THSD4: variants seen among roughly 807,000 people sequenced by gnomAD.
The protein encoded by THSD4 is thrombospondin type-1 domain-containing protein 4.
A neutral mutation model predicts 119.0 loss-of-function variants in THSD4; 69 were observed. That is an observed-to-expected ratio of 0.58 (90% confidence interval 0.48 to 0.71). The LOEUF is 0.71. Among genes scored for constraint, THSD4 ranks in the 30% least tolerant of loss-of-function variants. The probability of loss-of-function intolerance (pLI) is 0.00; values close to 1 mark genes in which losing one functional copy is unlikely to be tolerated. For missense variants in THSD4, 1,393 were observed against 1,391.1 expected (o/e 1.00, Z -0.02); for synonymous variants, 524 against 540.4 (o/e 0.97, Z 0.42).
chr15:71,670,691 T>G (rs2051507781), intron 8 of THSD4, among the ~76,000 whole-genome samples: 1 of 151,518 alleles, frequency 6.6e-6, no homozygotes, highest in Non-Finnish European at 1.5e-5. Flanking sequence ...TTCCCCATCC[T>G]GTGTCCAAGT....
In THSD4 at chr15:71,492,441, TG is replaced by T. The variant is rs2047934367; in HGVS notation, c.1152+80619del. 2.6e-5 allele frequency among the ~76,000 whole-genome samples: 4 copies of T among 151,646 alleles called. No homozygotes were observed. The South Asian group carries it at 8.4e-4, about 32-fold the overall frequency. On this transcript the variant is annotated intron_variant, in intron 7 of 17. Transcript: ENST00000261862. Reference sequence around the variant, plus strand: ...CACCATGCCCATCTATTTTTGTTGTTGTTGTTGTTGTTTTTGTATTTTTAAT... The same window carrying T: ...CACCATGCCCATCTATTTTTGTTGTTTTGTTGTTGTTTTTGTATTTTTAAT...
chr15:71,670,491 A>G (rs539026274), intron 8 of THSD4, among the ~76,000 whole-genome samples: 5 of 147,620 alleles, frequency 3.4e-5, no homozygotes, highest in South Asian at 2.2e-4. Context: ...TTTTAGATTT[A>G]AATTTTACAT....
chr15:71,585,401 C>T (rs180920418), intron 7 of THSD4, among the ~76,000 whole-genome samples: 381 of 152,340 alleles, frequency 2.5e-3, no homozygotes, highest in Non-Finnish European at 4.4e-3. Flanking sequence ...AATATATCCT[C>T]ACTGTCTCCT....
intron 8 of THSD4, among the ~76,000 whole-genome samples, chr15:71,721,734 A>C (rs1373816073): frequency 6.6e-6 from 1 of 151,872 alleles, no homozygotes; most frequent in Non-Finnish European, 1.5e-5. Context: ...GGGCTTGCAT[A>C]TATAAGCTCT....
chr15:71,674,315 G>T (rs941740660), intron 8 of THSD4, among the ~76,000 whole-genome samples: 50 of 152,320 alleles, frequency 3.3e-4, no homozygotes, highest in Admixed American at 8.5e-4. Context: ...CAGCTGGGAT[G>T]CTCTTGGACA....
At chr15:71,775,365 G>A (rs945936025) in intron 17 of THSD4, among the ~76,000 whole-genome samples, 1 of 152,144 alleles carries the variant, frequency 6.6e-6, no homozygotes, top group Non-Finnish European at 1.5e-5. Context: ...TCTATAAATG[G>A]AAGCAATATT....
intron 7 of THSD4, among the ~76,000 whole-genome samples, chr15:71,526,752 C>T (rs1228081813): frequency 1.3e-5 from 2 of 152,176 alleles, no homozygotes; most frequent in East Asian, 3.9e-4. Context: ...GTAGCAATGG[C>T]ACACAGGTAT....
At chr15:71,756,959 G>T (rs572742058) in intron 14 of THSD4, among the ~76,000 whole-genome samples, 10 of 152,130 alleles carry the variant, frequency 6.6e-5, no homozygotes, top group Non-Finnish European at 5.9e-5. Context: ...TAGATATTTG[G>T]CTTTAAGTGA....
At chr15:71,393,118 T>C (rs74021982) in intron 6 of THSD4, among the ~76,000 whole-genome samples, 16,403 of 152,076 alleles carry the variant, frequency 0.11, 1,769 homozygotes, top group African/African-American at 0.28. Context: ...TGGGGAGGAA[T>C]GAAAGCCAAG....
At chr15:71,256,372 G>T (rs1339678698) in intron 5 of THSD4, among the ~76,000 whole-genome samples, 1 of 151,982 alleles carries the variant, frequency 6.6e-6, no homozygotes, top group African/African-American at 2.4e-5. Context: ...CTACTTGGGA[G>T]GCTGAGGCAG....
chr15:71,704,062 A>C (rs1397304959), intron 8 of THSD4, among the ~76,000 whole-genome samples: 2 of 152,030 alleles, frequency 1.3e-5, no homozygotes, highest in Non-Finnish European at 2.9e-5. Flanking sequence ...GTTAGCCAGA[A>C]TGGTCTCAAT....
At chr15:71,192,236 G>T (rs1275183703) in intron 3 of THSD4, among the ~76,000 whole-genome samples, 1 of 151,750 alleles carries the variant, frequency 6.6e-6, no homozygotes, top group Non-Finnish European at 1.5e-5. Context: ...AATTCCAAAA[G>T]CCTTTTTTTG....
chr15:71,492,723 C>T (rs1039778333), intron 7 of THSD4, among the ~76,000 whole-genome samples: 2 of 151,574 alleles, frequency 1.3e-5, no homozygotes, highest in African/African-American at 4.9e-5. Context: ...TGTCCCAGGT[C>T]CAGAGTTAGC....
intron 14 of THSD4, among the ~76,000 whole-genome samples, chr15:71,757,148 G>A (rs2053553409): frequency 6.6e-6 from 1 of 152,084 alleles, no homozygotes; most frequent in Non-Finnish European, 1.5e-5. Flanking sequence ...AAGGTAGGAG[G>A]GGCTGGGTCA....
At chr15:71,317,237 G>A (rs778503091) in intron 6 of THSD4, among the ~76,000 whole-genome samples, 2 of 152,210 alleles carry the variant, frequency 1.3e-5, no homozygotes, top group Non-Finnish European at 2.9e-5. Flanking sequence ...GTCGTCTTCT[G>A]TGAACCCATT....
At chr15:71,380,866 C>T (rs1032294698) in intron 6 of THSD4, among the ~76,000 whole-genome samples, 1 of 152,162 alleles carries the variant, frequency 6.6e-6, no homozygotes, top group African/African-American at 2.4e-5. Flanking sequence ...CTTCCGTAAG[C>T]ATATTATATT....
At chr15:71,620,362 G>A (rs1198351371) in intron 7 of THSD4, among the ~76,000 whole-genome samples, 1 of 152,126 alleles carries the variant, frequency 6.6e-6, no homozygotes, top group Non-Finnish European at 1.5e-5. Flanking sequence ...AGGGGACAAG[G>A]TGAGAGGATT....
intron 6 of THSD4, among the ~76,000 whole-genome samples, chr15:71,329,178 G>A (rs1184720666): frequency 1.3e-5 from 2 of 152,124 alleles, no homozygotes; most frequent in African/African-American, 2.4e-5. Flanking sequence ...AATCAGTTAG[G>A]AGCTAAGAAT....
chr15:71,526,961 G>T (rs1274772533), intron 7 of THSD4, among the ~76,000 whole-genome samples: 1 of 152,016 alleles, frequency 6.6e-6, no homozygotes, highest in Admixed American at 6.6e-5. Context: ...CCATTGCCTT[G>T]GTCTGAATCT....
Sources: allele counts gnomAD v4.1 joint callset (sites outside exome capture counted in the v4.1 genomes callset), GRCh38; gene constraint gnomAD v4.1.1; transcripts MANE v1.5; gene names NCBI Gene and HGNC (gene_info 2026-07-23, HGNC 2026-07-21).